Variants in NRG3 observed in about 807,000 individuals in gnomAD.
NRG3 encodes pro-neuregulin-3, membrane-bound isoform.
Under a neutral mutation model 66.9 loss-of-function variants are expected in NRG3, and 31 were observed. The ratio of observed to expected loss-of-function variants is 0.46; its 90% confidence interval spans 0.35 to 0.63. The LOEUF is 0.63. NRG3 is among the 20% of genes least tolerant of loss of function. The pLI is 0.00. For synonymous variants in NRG3, 393 were observed against 359.4 expected (o/e 1.09, Z -1.06); for missense variants, 910 against 878.9 (o/e 1.04, Z -0.45).
chr10:82,964,080 T>C (rs1427095414), intron 6 of NRG3, among the ~76,000 whole-genome samples: 1 of 152,228 alleles, frequency 6.6e-6, no homozygotes, highest in Non-Finnish European at 1.5e-5. Context: ...AACTTATTGA[T>C]TGAATATAGA....
chr10:82,593,635 A>T (rs535145331), intron 2 of NRG3, among the ~76,000 whole-genome samples: 32 of 152,204 alleles, frequency 2.1e-4, no homozygotes, highest in African/African-American at 7.5e-4. Context: ...GTGATAATAT[A>T]TACAAAACAC....
chr10:82,966,123 C>G (rs117356634), intron 6 of NRG3, among the ~76,000 whole-genome samples: 1 of 152,260 alleles, frequency 6.6e-6, no homozygotes, highest in Non-Finnish European at 1.5e-5. Flanking sequence ...AATTCTGAAA[C>G]TAACAAACTA....
At chr10:82,035,407 G>T (rs573823041) in intron 1 of NRG3, among the ~76,000 whole-genome samples, 71 of 152,130 alleles carry the variant, frequency 4.7e-4, no homozygotes, top group Admixed American at 2.0e-3. Flanking sequence ...TTCCTTCTGA[G>T]CATCTTTGGC....
chr10:82,423,882 T>C (rs1402467666), intron 2 of NRG3, among the ~76,000 whole-genome samples: 1 of 152,042 alleles, frequency 6.6e-6, no homozygotes, highest in East Asian at 1.9e-4. Context: ...TTCATACAAA[T>C]TGAATCCTAC....
intron 1 of NRG3, among the ~76,000 whole-genome samples, chr10:82,148,439 A>G (rs1341687666): frequency 6.6e-6 from 1 of 152,202 alleles, no homozygotes; most frequent in African/African-American, 2.4e-5. Flanking sequence ...TCTGCCTACC[A>G]TTTAATCTTT....
chr10:82,588,563 G>A (rs2046805716), intron 2 of NRG3, among the ~76,000 whole-genome samples: 1 of 151,796 alleles, frequency 6.6e-6, no homozygotes, highest in East Asian at 1.9e-4. Flanking sequence ...AGTGCAGTGG[G>A]ACAATCTCGG....
intron 1 of NRG3, among the ~76,000 whole-genome samples, chr10:81,903,618 C>T (rs778318714): frequency 1.1e-4 from 17 of 152,268 alleles, no homozygotes; most frequent in Admixed American, 2.0e-4. Context: ...ATATGGTCAG[C>T]ATTGCATGGT....
chr10:81,886,754 T>G (rs980217902), intron 1 of NRG3, among the ~76,000 whole-genome samples: 1 of 152,176 alleles, frequency 6.6e-6, no homozygotes, highest in Admixed American at 6.6e-5. Context: ...CTATTAAATT[T>G]TGTTGTACTA....
At chr10:82,136,133 C>T (rs1311051405) in intron 1 of NRG3, among the ~76,000 whole-genome samples, 1 of 152,132 alleles carries the variant, frequency 6.6e-6, no homozygotes, top group Non-Finnish European at 1.5e-5. Flanking sequence ...TTGGGTAAAA[C>T]CTGAGAGAAT....
At chr10:82,740,852 A>G (rs545166725) in intron 3 of NRG3, among the ~76,000 whole-genome samples, 176 of 149,956 alleles carry the variant, frequency 1.2e-3, no homozygotes, top group Non-Finnish European at 2.1e-3. Flanking sequence ...AAAAAAAATT[A>G]TACCTCTCTG....
chr10:82,382,786 G>T (rs2085707468), intron 2 of NRG3, among the ~76,000 whole-genome samples: 1 of 151,790 alleles, frequency 6.6e-6, no homozygotes, highest in Admixed American at 6.6e-5. Context: ...ATAAATTTCT[G>T]CATAGTCCTT....
At chr10:82,042,533 A>G (rs1589879720) in intron 1 of NRG3, among the ~76,000 whole-genome samples, 2 of 152,032 alleles carry the variant, frequency 1.3e-5, no homozygotes, top group East Asian at 1.9e-4. Flanking sequence ...ATTTTTCCCC[A>G]CTATTTGCTA....
At chr10:82,327,547 G>A (rs1270961936) in intron 1 of NRG3, among the ~76,000 whole-genome samples, 1 of 152,196 alleles carries the variant, frequency 6.6e-6, no homozygotes, top group East Asian at 1.9e-4. Flanking sequence ...CGGAGGCAGA[G>A]ATGTGAATAA....
rs79349900 is a variant in NRG3 at position 82,767,909 on chromosome 10, T to C, written c.1027+29259T>C. On this transcript the variant is annotated intron_variant, in intron 3 of 8. Transcript: ENST00000372141. ...TCTCTCTCTCTCTCTCATCCTCTGT[T>C]CATGTTTAAGAGTAAAGTATGAGGA... 8.2e-3 allele frequency among the ~76,000 whole-genome samples: 1,247 copies of C among 151,758 alleles called. 15 individuals are homozygous for C. Among genetic ancestry groups the C allele is most frequent in the African/African-American group, 0.021 (862 of 41,340 alleles).
At chr10:82,843,886 C>A (rs747393619) in intron 3 of NRG3, among the ~76,000 whole-genome samples, 24 of 152,036 alleles carry the variant, frequency 1.6e-4, no homozygotes, top group Non-Finnish European at 3.5e-4. Context: ...AGATGATATC[C>A]AGCCGTTAAC....
chr10:82,103,450 CCTT>C (rs2066881146), intron 1 of NRG3, among the ~76,000 whole-genome samples: 1 of 152,132 alleles, frequency 6.6e-6, no homozygotes, highest in South Asian at 2.1e-4. Context: ...TGTTGTCTCA[CCTT>C]CTGTGGGTGA....
chr10:82,543,888 T>G lies in NRG3; in HGVS notation c.953+185020T>G, dbSNP rs566320256. Among the ~76,000 whole-genome samples, 36 of 152,308 alleles carry G rather than the reference T, an allele frequency of 2.4e-4. No individual in the cohort carries two copies. The South Asian group carries it at 7.0e-3, about 30-fold the overall frequency. ...GATAAGCTTCAGTCAGGCAGTAAGATTCTCTGGAGCCTTTTTGCAGTGCTA... is the reference window on the plus strand; with the variant it reads ...GATAAGCTTCAGTCAGGCAGTAAGAGTCTCTGGAGCCTTTTTGCAGTGCTA... On this transcript the variant is annotated intron_variant, in intron 2 of 8. Transcript: ENST00000372141.
At chr10:82,841,725 T>A (rs918681135) in intron 3 of NRG3, among the ~76,000 whole-genome samples, 11 of 152,160 alleles carry the variant, frequency 7.2e-5, no homozygotes, top group Non-Finnish European at 1.5e-4. Flanking sequence ...GTTAACCATA[T>A]CTCCAAAATT....
chr10:82,161,155 T>C (rs2071564823), intron 1 of NRG3, among the ~76,000 whole-genome samples: 1 of 151,988 alleles, frequency 6.6e-6, no homozygotes, highest in African/African-American at 2.4e-5. Flanking sequence ...AGAATTCAGG[T>C]GGGGATGTCA....
Sources: gnomAD v4.1 joint callset for allele counts (sites outside exome capture counted in the v4.1 genomes callset) on GRCh38, gnomAD v4.1.1 for gene constraint, MANE v1.5 for transcripts, NCBI Gene and HGNC (gene_info 2026-07-23, HGNC 2026-07-21) for gene names.